Variants in FARP1 observed in about 807,000 individuals in gnomAD.
The protein encoded by FARP1 is FERM, ARH/RhoGEF and pleckstrin domain protein 1.
Under a neutral mutation model 128.8 loss-of-function variants are expected in FARP1, and 52 were observed. The ratio of observed to expected loss-of-function variants is 0.40; its 90% CI spans 0.32 to 0.51. The LOEUF is 0.51. Among genes scored for constraint, FARP1 ranks in the 20% least tolerant of loss-of-function variants. The pLI is 0.45. For synonymous variants in FARP1, 580 were observed against 551.8 expected, an observed-to-expected ratio of 1.05 and a Z score of -0.72; for missense variants, 1,333 against 1,367.9, an observed-to-expected ratio of 0.97 and a Z score of 0.40.
At chr13:98,439,038 C>T (rs894878440) in intron 20 of FARP1, 69 bp from the exon 21 acceptor site, 20 of 1,427,900 alleles carry the variant, frequency 1.4e-5, no homozygotes, top group Non-Finnish European at 1.9e-5. Context: ...CAGTTGAGGA[C>T]AGGGAATGCT....
In FARP1 at chr13:98,293,856, T is replaced by C. The variant is rs145475882; in HGVS notation, c.172-49906T>C. 1.2e-3 allele frequency among the ~76,000 whole-genome samples: 189 copies of C among 152,312 alleles called. 1 individual carries two copies. The highest frequency in any genetic ancestry group is 4.4e-3 in the African/African-American group (181 of 41,574). ...TTTAAACTAAGATGGCCATTTTGCT[T>C]ACCCACATTTTTTTGCTCAGCTCAC... On this transcript the variant is annotated intron_variant, in intron 2 of 26. Transcript: ENST00000319562.
intron 2 of FARP1, 43 bp from the exon 3 acceptor site, chr13:98,343,719 C>T: frequency 7.3e-7 from 1 of 1,363,136 alleles, no homozygotes; most frequent in Non-Finnish European, 1.0e-6. Flanking sequence ...TTGTTTTCAT[C>T]CGTGCCTGCC....
chr13:98,395,069 G>A (rs16955482), intron 12 of FARP1, among the ~76,000 whole-genome samples, 158 bp from the exon 13 acceptor site: 5,739 of 152,274 alleles, frequency 0.038, 375 homozygotes, highest in African/African-American at 0.13. Context: ...GCCCAGATGT[G>A]CCTCCGTGAT....
At chr13:98,339,039 G>A (rs1418557306) in intron 2 of FARP1, among the ~76,000 whole-genome samples, 4 of 152,116 alleles carry the variant, frequency 2.6e-5, no homozygotes, top group African/African-American at 9.7e-5. Flanking sequence ...GACCATGAGG[G>A]TATCTTTATG....
chr13:98,296,523 T>C (rs9517249), intron 2 of FARP1, among the ~76,000 whole-genome samples: 31,290 of 137,472 alleles, frequency 0.23, 3,616 homozygotes, highest in East Asian at 0.28. Flanking sequence ...GACCCCCCGC[T>C]CTTCATGCAC....
In FARP1 at chr13:98,181,661, A is replaced by AGAGAGAGT. The variant is rs138526104; in HGVS notation, c.-23-31558_-23-31557insAGAGAGTG. 2.9e-3 allele frequency among the ~76,000 whole-genome samples: 435 copies of AGAGAGAGT among 148,656 alleles called. 2 individuals carry two copies. Among genetic ancestry groups the AGAGAGAGT allele is most frequent in the Middle Eastern group, 6.8e-3 (2 of 292 alleles). On this transcript the variant is annotated intron_variant, in intron 1 of 26. Transcript: ENST00000319562. ...ATTTATTTGAGAGAGAGAGAGAGAG[A>AGAGAGAGT]GTCTCACTGTTGCCCAGGGGTGTGT...
At chr13:98,278,298 G>A (rs115035237) in intron 2 of FARP1, among the ~76,000 whole-genome samples, 11,544 of 149,148 alleles carry the variant, frequency 0.077, 839 homozygotes, top group African/African-American at 0.2. Flanking sequence ...ATGTATGTGT[G>A]TGTGTGTGAG....
intron 11 of FARP1, among the ~76,000 whole-genome samples, chr13:98,393,183 T>C (rs1445201391): frequency 6.6e-6 from 1 of 152,218 alleles, no homozygotes; most frequent in Non-Finnish European, 1.5e-5. Flanking sequence ...ACTTACCGCT[T>C]TGATAGAGTG....
chr13:98,388,591 C>T (rs1890187989), intron 9 of FARP1, 113 bp downstream of exon 9: 9 of 779,642 alleles, frequency 1.2e-5, no homozygotes, highest in Admixed American at 2.1e-5. Context: ...CCAGTGCTAC[C>T]CAGGTGCTTT....
At chr13:98,235,698 T>G (rs1882371047) in intron 2 of FARP1, among the ~76,000 whole-genome samples, 1 of 152,152 alleles carries the variant, frequency 6.6e-6, no homozygotes, top group African/African-American at 2.4e-5. Flanking sequence ...TTTTTAAAAC[T>G]GAAACTCTAG....
chr13:98,175,010 G>C (rs1298635060), intron 1 of FARP1, among the ~76,000 whole-genome samples: 1 of 152,144 alleles, frequency 6.6e-6, no homozygotes, highest in Non-Finnish European at 1.5e-5. Context: ...TCAAAATCAC[G>C]TGGAAAGTTT....
intron 2 of FARP1, among the ~76,000 whole-genome samples, chr13:98,287,496 G>A (rs781440654): frequency 8.6e-5 from 13 of 151,552 alleles, no homozygotes; most frequent in South Asian, 2.1e-4. Context: ...CCCAAAGTGC[G>A]GGATTACAGG....
intron 18 of FARP1, chr13:98,432,383 CAG>C (rs1486864053): frequency 6.6e-6 from 1 of 152,322 alleles, no homozygotes; most frequent in African/African-American, 2.4e-5. Flanking sequence ...CTGGGTCACT[CAG>C]AGGTCAGAGC....
At chr13:98,249,444 G>C (rs1933367075) in intron 2 of FARP1, among the ~76,000 whole-genome samples, 1 of 152,158 alleles carries the variant, frequency 6.6e-6, no homozygotes, top group African/African-American at 2.4e-5. Context: ...TTGCAAGAGT[G>C]TTACAGCCCA....
intron 2 of FARP1, among the ~76,000 whole-genome samples, chr13:98,266,019 A>G (rs1884096338): frequency 6.6e-6 from 1 of 152,212 alleles, no homozygotes; most frequent in Non-Finnish European, 1.5e-5. Flanking sequence ...AATAGGCTAA[A>G]AACAGCCAAA....
Position 98,388,399 on chromosome 13 carries a change from A to G in FARP1, c.776A>G (p.Asn259Ser), listed in dbSNP as rs200747595. 3.6e-5 allele frequency: 58 copies of G among 1,613,796 alleles called. No individual in the cohort carries two copies. Among genetic ancestry groups the G allele is most frequent in the African/African-American group, 6.7e-5 (5 of 74,928 alleles). Residue 259 changes from asparagine (N) to serine (S), a missense_variant, in exon 9 of 27, where the codon AAT (asparagine) becomes AGT (serine). Asn to Ser is a conservative substitution (Grantham distance 46). Around this residue, in one of 2 missense-constraint regions of FARP1, gnomAD observed 324 missense variants for 398.1 expected, o/e 0.81. Transcript: ENST00000319562. ...TCTTTTTAGGGTTTCACTAAGATCA[A>G]TGCCTTCAACTGGGCCAAGGTGCGG... ...ILVFQGFTKI[N>S]AFNWAKVRKL...
chr13:98,429,633 A>C (rs1176118899), intron 17 of FARP1, among the ~76,000 whole-genome samples: 1 of 152,216 alleles, frequency 6.6e-6, no homozygotes, highest in Non-Finnish European at 1.5e-5. Context: ...GGTGGTACCC[A>C]TCCTGAAGTT....
chr13:98,384,179 G>A (rs1469237370), intron 6 of FARP1: 1 of 119,608 alleles, frequency 8.4e-6, no homozygotes, highest in African/African-American at 3.4e-5. Flanking sequence ...GGATGATTCT[G>A]AGGCTTTTTT....
At chr13:98,410,087 T>C (rs1331881093) in intron 14 of FARP1, among the ~76,000 whole-genome samples, 1 of 152,284 alleles carries the variant, frequency 6.6e-6, no homozygotes, top group Non-Finnish European at 1.5e-5. Flanking sequence ...CTTTGAAGTC[T>C]GTTGTGTGTA....
Sources: allele counts gnomAD v4.1 joint callset (sites outside exome capture counted in the v4.1 genomes callset), GRCh38; gene constraint gnomAD v4.1.1; regional missense constraint gnomAD v4.1.1; transcripts MANE v1.5; gene names NCBI Gene and HGNC (gene_info 2026-07-23, HGNC 2026-07-21).